FHOD3: variants seen among roughly 807,000 people sequenced by gnomAD.
FHOD3 encodes formin homology 2 domain containing 3.
A neutral mutation model predicts 173.0 loss-of-function variants in FHOD3; 90 were observed. That is an observed-to-expected ratio of 0.52 (90% CI 0.44 to 0.62). The LOEUF (loss-of-function observed/expected upper bound fraction) is 0.62, where lower values mean the gene tolerates loss of function less well. Among genes scored for constraint, FHOD3 ranks in the 20% least tolerant of loss-of-function variants. The probability of loss-of-function intolerance (pLI) is 0.00; values close to 1 mark genes in which losing one functional copy is unlikely to be tolerated. For synonymous variants in FHOD3, 828 were observed against 823.0 expected, an observed-to-expected ratio of 1.01 and a Z score of -0.10; for missense variants, 1,945 against 2,034.7, an observed-to-expected ratio of 0.96 and a Z score of 0.85.
In FHOD3 at chr18:36,765,890, A is replaced by G. The variant is rs182121865; in HGVS notation, c.4625-3375A>G. On this transcript the variant is annotated intron_variant, in intron 27 of 28. Transcript: ENST00000590592. The stretch of plus-strand genomic sequence containing the variant: ...GGAGTACTGGAAAAAGATGGACCAG[A>G]AGCAATATTTGAAGAGATTGAAGAG... Among the ~76,000 whole-genome samples the G allele has an allele frequency of 3.3e-5, 5 of 152,284 alleles. No individual in the cohort carries two copies. In the East Asian group the frequency reaches 7.7e-4, roughly 23 times the overall value.
At chr18:36,478,382 A>G (rs2053703405) in intron 3 of FHOD3, among the ~76,000 whole-genome samples, 1 of 152,194 alleles carries the variant, frequency 6.6e-6, no homozygotes, top group Non-Finnish European at 1.5e-5. Context: ...TGGGGTATCT[A>G]TCACCTCAAC....
At chr18:36,429,391 G>T (rs1432869720) in intron 3 of FHOD3, among the ~76,000 whole-genome samples, 2 of 152,194 alleles carry the variant, frequency 1.3e-5, no homozygotes, top group African/African-American at 4.8e-5. Context: ...AGCAATGGGT[G>T]TAGAAAACAC....
At chr18:36,717,714 A>ATGC (rs2040535662) in intron 18 of FHOD3, 118 bp from the exon 19 acceptor site, 35 of 1,456,810 alleles carry the variant, frequency 2.4e-5, no homozygotes, top group Non-Finnish European at 3.1e-5. Flanking sequence ...TTGACTGCTC[A>ATGC]TGCAGTGTCT....
intron 2 of FHOD3, among the ~76,000 whole-genome samples, chr18:36,370,020 C>T (rs956251063): frequency 6.6e-6 from 1 of 152,138 alleles, no homozygotes; most frequent in Non-Finnish European, 1.5e-5. Context: ...AGAAGTAGTA[C>T]CTACATCAGA....
intron 8 of FHOD3, among the ~76,000 whole-genome samples, chr18:36,603,814 T>C (rs554304793): frequency 1.1e-3 from 161 of 152,316 alleles, no homozygotes; most frequent in African/African-American, 3.5e-3. Context: ...AAAATTATTT[T>C]TTAAAATCAT....
chr18:36,388,301 C>T (rs1245609718), intron 3 of FHOD3, among the ~76,000 whole-genome samples: 1 of 152,154 alleles, frequency 6.6e-6, no homozygotes, highest in East Asian at 1.9e-4. Flanking sequence ...CCCCACTGGT[C>T]TCCCCAGGTC....
At chr18:36,709,480 C>T in intron 18 of FHOD3, 89 bp downstream of exon 18, 1 of 1,408,152 alleles carries the variant, frequency 7.1e-7, no homozygotes, top group Non-Finnish European at 9.6e-7. Flanking sequence ...CACAGGCTGG[C>T]CTCTGAGGTG....
intron 7 of FHOD3, among the ~76,000 whole-genome samples, chr18:36,598,612 G>C (rs1599814512): frequency 2.0e-5 from 3 of 151,952 alleles, no homozygotes; most frequent in African/African-American, 7.3e-5. Flanking sequence ...GAGTGCAGTG[G>C]CGCAATCTTG....
At chr18:36,344,234 G>A (rs2045774388) in intron 1 of FHOD3, among the ~76,000 whole-genome samples, 1 of 152,176 alleles carries the variant, frequency 6.6e-6, no homozygotes, top group Non-Finnish European at 1.5e-5. Context: ...ATTATAGATA[G>A]AAGCACAGAA....
intron 5 of FHOD3, among the ~76,000 whole-genome samples, chr18:36,562,429 A>G (rs549552761): frequency 7.2e-5 from 11 of 152,302 alleles, no homozygotes; most frequent in African/African-American, 2.4e-4. Context: ...TAAAAACATT[A>G]TTTACTATGT....
At chr18:36,752,594 T>G (rs1218172344) in intron 24 of FHOD3, among the ~76,000 whole-genome samples, 1 of 152,252 alleles carries the variant, frequency 6.6e-6, no homozygotes, top group Non-Finnish European at 1.5e-5. Flanking sequence ...ATCCTTTTTG[T>G]TCTTCTGAAG....
At chr18:36,681,408 C>T in intron 14 of FHOD3, 28 bp from the exon 15 acceptor site, 1 of 1,612,494 alleles carries the variant, frequency 6.2e-7, no homozygotes, top group Non-Finnish European at 8.5e-7. Flanking sequence ...GGCCAAGCAA[C>T]TGAAACATTA....
chr18:36,303,550 TGTTA>T (rs1181799509), intron 1 of FHOD3, among the ~76,000 whole-genome samples: 3 of 152,186 alleles, frequency 2.0e-5, no homozygotes, highest in African/African-American at 7.2e-5. Context: ...GACTCTGAAA[TGTTA>T]GTTCTTAATA....
At chr18:36,318,856 G>A (rs547000742) in intron 1 of FHOD3, among the ~76,000 whole-genome samples, 1 of 152,048 alleles carries the variant, frequency 6.6e-6, no homozygotes, top group Non-Finnish European at 1.5e-5. Context: ...ATTGGCTGTG[G>A]GTTTGTCATA....
chr18:36,363,272 C>T (rs1428431212), intron 2 of FHOD3, among the ~76,000 whole-genome samples: 1 of 152,190 alleles, frequency 6.6e-6, no homozygotes, highest in Non-Finnish European at 1.5e-5. Flanking sequence ...GCTTACCATA[C>T]AATTTGGCAA....
intron 14 of FHOD3, among the ~76,000 whole-genome samples, chr18:36,666,261 C>T (rs1407154324): frequency 6.6e-6 from 1 of 152,192 alleles, no homozygotes; most frequent in Non-Finnish European, 1.5e-5. Context: ...AATCCACATC[C>T]AGTCTCTGAT....
intron 18 of FHOD3, among the ~76,000 whole-genome samples, chr18:36,713,395 A>G (rs2040278226): frequency 6.6e-6 from 1 of 152,220 alleles, no homozygotes; most frequent in South Asian, 2.1e-4. Flanking sequence ...AAACAGCAAT[A>G]CTAGTTTACT....
chr18:36,686,802 T>C (rs1427017586), intron 15 of FHOD3, among the ~76,000 whole-genome samples: 1 of 152,176 alleles, frequency 6.6e-6, no homozygotes, highest in Non-Finnish European at 1.5e-5. Context: ...TTGCTTGTTA[T>C]TGCTGTATTT....
intron 6 of FHOD3, among the ~76,000 whole-genome samples, chr18:36,585,616 C>G (rs1371660668): frequency 6.6e-6 from 1 of 152,224 alleles, no homozygotes; most frequent in Non-Finnish European, 1.5e-5. Flanking sequence ...TCCATTCACT[C>G]TGAGATGATC....
Sources: allele counts gnomAD v4.1 joint callset (sites outside exome capture counted in the v4.1 genomes callset), GRCh38; gene constraint gnomAD v4.1.1; transcripts MANE v1.5; gene names NCBI Gene and HGNC (gene_info 2026-07-23, HGNC 2026-07-21).